The following MGAT4A variants were observed in gnomAD, a reference collection of about 807,000 sequenced individuals.
MGAT4A encodes the protein alpha-1,3-mannosyl-glycoprotein 4-beta-N-acetylglucosaminyltransferase A.
Under a neutral mutation model 74.1 loss-of-function variants are expected in MGAT4A, and 33 were observed. The observed-to-expected ratio is 0.45, with a 90% confidence interval of 0.34 to 0.60. The LOEUF (loss-of-function observed/expected upper bound fraction) is 0.60, where lower values mean the gene tolerates loss of function less well. Ranked by LOEUF, MGAT4A falls within the 20% of genes least tolerant of loss-of-function variation. The pLI, the probability that MGAT4A is intolerant of heterozygous loss-of-function variation, is 0.02. For missense variants in MGAT4A, 479 were observed against 628.3 expected, an observed-to-expected ratio of 0.76 and a Z score of 2.54; for synonymous variants, 198 against 210.4, an observed-to-expected ratio of 0.94 and a Z score of 0.51.
chr2:98,715,231 T>A (rs951626520), intron 2 of MGAT4A, among the ~76,000 whole-genome samples: 2 of 146,562 alleles, frequency 1.4e-5, no homozygotes, highest in African/African-American at 5.1e-5. Flanking sequence ...GGCACGAGAA[T>A]CATTTGAATC....
At chr2:98,632,566 C>T (rs1170540776) in intron 14 of MGAT4A, among the ~76,000 whole-genome samples, 1 of 152,224 alleles carries the variant, frequency 6.6e-6, no homozygotes, top group Non-Finnish European at 1.5e-5. Context: ...GCTGAACTTC[C>T]CCACATTCTG....
intron 4 of MGAT4A, among the ~76,000 whole-genome samples, chr2:98,671,243 G>A (rs1701907615): frequency 6.6e-6 from 1 of 152,138 alleles, no homozygotes; most frequent in African/African-American, 2.4e-5. Flanking sequence ...GTTCCAAGTT[G>A]ACCCTCTCTC....
chr2:98,692,790 G>C (rs901801738), intron 2 of MGAT4A, among the ~76,000 whole-genome samples: 2 of 152,172 alleles, frequency 1.3e-5, no homozygotes, highest in Non-Finnish European at 2.9e-5. Context: ...ATCTAGGTTT[G>C]TGTAAGTATA....
At chr2:98,633,960 A>G (rs1464126105) in intron 14 of MGAT4A, among the ~76,000 whole-genome samples, 1 of 152,260 alleles carries the variant, frequency 6.6e-6, no homozygotes, top group Non-Finnish European at 1.5e-5. Flanking sequence ...CAAGCCTCTT[A>G]GCAATGGCTG....
rs572926349 is a variant in MGAT4A at position 98,656,345 on chromosome 2, T to A, written c.698+7A>T. The A allele has an allele frequency of 2.3e-5, 35 of 1,545,060 alleles. No homozygotes were observed. The African/African-American group carries it at 4.5e-4, about 20-fold the overall frequency. ...AGTGTGGAGGATTTTAAACGGCACATGCTCACCTTACTCTTTCTTTGGAGT... is the reference window on the plus strand; with the variant it reads ...AGTGTGGAGGATTTTAAACGGCACAAGCTCACCTTACTCTTTCTTTGGAGT... On this transcript the variant is annotated splice_region_variant and intron_variant, in intron 7 of 15. Coordinates refer to ENST00000393487, the MANE Select transcript of MGAT4A (RefSeq NM_012214.3).
intron 2 of MGAT4A, among the ~76,000 whole-genome samples, chr2:98,689,918 A>C (rs1268959560): frequency 6.6e-6 from 1 of 152,178 alleles, no homozygotes; most frequent in Non-Finnish European, 1.5e-5. Context: ...GAAACAACAC[A>C]GTAGTGAGTT....
At chr2:98,669,279 G>A (rs990259415) in intron 4 of MGAT4A, among the ~76,000 whole-genome samples, 1 of 152,140 alleles carries the variant, frequency 6.6e-6, no homozygotes, top group African/African-American at 2.4e-5. Flanking sequence ...TTGCTGTGCT[G>A]TTCTCCTGAC....
chr2:98,717,378 C>CAA (rs35974409), intron 2 of MGAT4A, among the ~76,000 whole-genome samples: 10 of 92,972 alleles, frequency 1.1e-4, no homozygotes, highest in African/African-American at 3.3e-4. Context: ...GACTCCATCT[C>CAA]AAAAAAAAAA....
chr2:98,670,819 T>C (rs572533835), intron 4 of MGAT4A, among the ~76,000 whole-genome samples: 1 of 152,268 alleles, frequency 6.6e-6, no homozygotes, highest in East Asian at 1.9e-4. Context: ...GGAGATCTCA[T>C]CCATTTCTGC....
At chr2:98,684,871 C>T (rs1422610584) in intron 2 of MGAT4A, among the ~76,000 whole-genome samples, 4 of 152,150 alleles carry the variant, frequency 2.6e-5, no homozygotes, top group Admixed American at 2.6e-4. Context: ...GTTAAACCCA[C>T]TCTTTATTTC....
chr2:98,659,328 G>A (rs1256663614), intron 5 of MGAT4A, among the ~76,000 whole-genome samples: 1 of 152,108 alleles, frequency 6.6e-6, no homozygotes, highest in Non-Finnish European at 1.5e-5. Flanking sequence ...ATAATTATGA[G>A]CATTATTTCT....
Position 98,621,555 on chromosome 2 carries a change from T to A in MGAT4A, c.*4011A>T. ...ATTAGCCACCCCCAGACAGTCTTCC[T>A]TTTGCTACATAACATGATATAATCA... On this transcript the variant is annotated 3_prime_UTR_variant, in exon 16 of 16. Transcript: ENST00000393487. 4 of 1,550,302 alleles carry A rather than the reference T, an allele frequency of 2.6e-6. No individual in the cohort carries two copies. Among genetic ancestry groups the A allele is most frequent in the Non-Finnish European group, 3.5e-6 (4 of 1,146,202 alleles).
In MGAT4A at chr2:98,624,727, A is replaced by AGTCTACAATAATCTGG; in HGVS notation, c.*823_*838dup. The AGTCTACAATAATCTGG allele has an allele frequency of 2.0e-6, 2 of 983,626 alleles. No individual in the cohort carries two copies. The highest frequency in any genetic ancestry group is 2.4e-6 in the Non-Finnish European group (2 of 828,042). The allele number at this position is 983,626 out of a possible 1,614,324, so 60.9% of individuals were successfully genotyped here. A position where few individuals can be genotyped will look rare whatever the true frequency, so the allele number is the denominator to read the frequency against. ...ATATCAGAGGAAATATAATAAGTTA[A>AGTCTACAATAATCTGG]GTCTACAATAATCTGGGTTGAATGC... On this transcript the variant is annotated 3_prime_UTR_variant, in exon 16 of 16. Transcript: ENST00000393487.
intron 2 of MGAT4A, among the ~76,000 whole-genome samples, chr2:98,720,200 C>T (rs963308679): frequency 3.9e-5 from 6 of 152,180 alleles, no homozygotes; most frequent in Non-Finnish European, 7.3e-5. Flanking sequence ...CTAAGGAATG[C>T]CCAGACAGCT....
chr2:98,713,013 T>A (rs542485917), intron 2 of MGAT4A, among the ~76,000 whole-genome samples: 11 of 151,716 alleles, frequency 7.3e-5, no homozygotes, highest in South Asian at 6.3e-4. Flanking sequence ...AATACATTTT[T>A]AAAAAATTAG....
At chr2:98,677,733 G>T (rs1260531959) in intron 3 of MGAT4A, among the ~76,000 whole-genome samples, 1 of 151,058 alleles carries the variant, frequency 6.6e-6, no homozygotes, top group African/African-American at 2.4e-5. Context: ...GATTATAGGT[G>T]TGAGCCAACA....
rs1483745779 is a variant in MGAT4A at position 98,623,600 on chromosome 2, A to G, written c.*1966T>C. On this transcript the variant is annotated 3_prime_UTR_variant, in exon 16 of 16. Coordinates refer to ENST00000393487, the MANE Select transcript of MGAT4A (RefSeq NM_012214.3). Reference sequence around the variant, plus strand: ...GAAGAAAAAAATTCAAGAAAGTGAAAAGTAAATTTAAAACATCCTAATAAA... The same window carrying G: ...GAAGAAAAAAATTCAAGAAAGTGAAGAGTAAATTTAAAACATCCTAATAAA... 1 of 985,196 alleles carries G rather than the reference A, an allele frequency of 1.0e-6. No homozygotes were observed. 61.0% of individuals were successfully genotyped at this position (985,196 alleles called of 1,614,324 possible).
intron 2 of MGAT4A, among the ~76,000 whole-genome samples, chr2:98,697,988 C>T (rs1160351530): frequency 1.3e-5 from 2 of 152,208 alleles, no homozygotes; most frequent in African/African-American, 4.8e-5. Context: ...ATTCTAATTG[C>T]TGTTTATAAA....
intron 14 of MGAT4A, among the ~76,000 whole-genome samples, chr2:98,632,081 G>C (rs1010195962): frequency 6.6e-6 from 1 of 151,716 alleles, no homozygotes; most frequent in South Asian, 2.1e-4. Flanking sequence ...CTGCACTTCA[G>C]CCTGGGCGGC....
Sources: gnomAD v4.1 joint callset for allele counts (sites outside exome capture counted in the v4.1 genomes callset) on GRCh38, gnomAD v4.1.1 for gene constraint, MANE v1.5 for transcripts, NCBI Gene and HGNC (gene_info 2026-07-23, HGNC 2026-07-21) for gene names.